DNAH5: variants seen among roughly 807,000 people sequenced by gnomAD.
DNAH5 encodes dynein axonemal heavy chain 5.
DNAH5 carries 372 observed loss-of-function variants against 518.2 expected under a neutral mutation model. That is an observed-to-expected ratio of 0.72 (90% CI 0.66 to 0.78). DNAH5 has a LOEUF of 0.78. Ranked by LOEUF, DNAH5 falls within the 30% of genes least tolerant of loss-of-function variation. The probability of loss-of-function intolerance (pLI) is 0.00; values close to 1 mark genes in which losing one functional copy is unlikely to be tolerated. For synonymous variants in DNAH5, 2,039 were observed against 2,025.9 expected, an observed-to-expected ratio of 1.01 and a Z score of -0.17; for missense variants, 5,523 against 5,687.0, an observed-to-expected ratio of 0.97 and a Z score of 0.93.
chr5:13,755,906 G>T (rs1057416570), intron 61 of DNAH5, among the ~76,000 whole-genome samples: 1 of 152,206 alleles, frequency 6.6e-6, no homozygotes, highest in African/African-American at 2.4e-5. Context: ...GGAAGCCCAG[G>T]CTTCTTTGGG....
intron 53 of DNAH5, among the ~76,000 whole-genome samples, chr5:13,779,634 T>C (rs1502050): frequency 0.31 from 47,631 of 152,060 alleles, 8,004 homozygotes; most frequent in South Asian, 0.44. Context: ...CTCTGTTTAT[T>C]TCTTCATGTT....
chr5:13,871,019 G>A lies in DNAH5; in HGVS notation c.3599-17C>T. The A allele has an allele frequency of 6.3e-7, 1 of 1,593,644 alleles. No homozygotes were observed. The highest frequency in any genetic ancestry group is 8.6e-7 in the Non-Finnish European group (1 of 1,162,612). ...TCAAGTCAGCTGTAAAAACCCAAATGTCTACAGTTCAGTTTTAAAAACTCG... is the reference window on the plus strand; with the variant it reads ...TCAAGTCAGCTGTAAAAACCCAAATATCTACAGTTCAGTTTTAAAAACTCG... On this transcript the variant is annotated splice_polypyrimidine_tract_variant and intron_variant, in intron 23 of 78. Transcript: ENST00000265104.
chr5:13,861,967 A>G (rs1458444518), intron 29 of DNAH5, among the ~76,000 whole-genome samples: 6 of 151,076 alleles, frequency 4.0e-5, no homozygotes, highest in Admixed American at 3.3e-4. Flanking sequence ...AAAAAAAAAA[A>G]AAAAAAAAAC....
intron 76 of DNAH5, among the ~76,000 whole-genome samples, chr5:13,702,339 C>G (rs1579814061): frequency 6.6e-6 from 1 of 152,196 alleles, no homozygotes; most frequent in African/African-American, 2.4e-5. Context: ...TGATAATAAG[C>G]TGAGAAGAAT....
intron 46 of DNAH5, among the ~76,000 whole-genome samples, chr5:13,808,597 A>G (rs923025314): frequency 3.9e-5 from 6 of 152,232 alleles, no homozygotes; most frequent in African/African-American, 1.4e-4. Context: ...ATAATAAAGG[A>G]ATAGTAGGTT....
chr5:13,877,714 A>G (rs1440577898), intron 21 of DNAH5, among the ~76,000 whole-genome samples: 1 of 152,174 alleles, frequency 6.6e-6, no homozygotes, highest in Admixed American at 6.5e-5. Flanking sequence ...TCTGCAACAC[A>G]CAGTTTCTCT....
chr5:13,951,479 C>T (rs551053450), intron 1 of DNAH5, among the ~76,000 whole-genome samples: 6 of 152,200 alleles, frequency 3.9e-5, no homozygotes, highest in East Asian at 1.9e-4. Flanking sequence ...CTCAGCCTCC[C>T]GAGGTGCTGT....
intron 47 of DNAH5, among the ~76,000 whole-genome samples, chr5:13,794,291 TG>T (rs1211874600): frequency 7.2e-5 from 11 of 152,236 alleles, no homozygotes; most frequent in African/African-American, 2.4e-4. Context: ...CTAACCAATG[TG>T]AATTTGAATG....
At chr5:13,895,309 T>C (rs1773751481) in intron 15 of DNAH5, among the ~76,000 whole-genome samples, 1 of 152,116 alleles carries the variant, frequency 6.6e-6, no homozygotes, top group African/African-American at 2.4e-5. Flanking sequence ...TACAAATTCC[T>C]AATCCAAAAA....
chr5:13,975,079 T>A (rs1782146294), intron 1 of DNAH5, among the ~76,000 whole-genome samples: 1 of 152,146 alleles, frequency 6.6e-6, no homozygotes, highest in East Asian at 1.9e-4. Context: ...ACTGCATTAG[T>A]CTGTTTTCAT....
intron 1 of DNAH5, among the ~76,000 whole-genome samples, chr5:13,969,764 A>C (rs1252794175): frequency 6.6e-6 from 1 of 152,212 alleles, no homozygotes; most frequent in Non-Finnish European, 1.5e-5. Context: ...TGTGCTGATG[A>C]ATAGAATGTA....
At chr5:13,790,311 TGGCAG>T (rs1422467620) in intron 50 of DNAH5, among the ~76,000 whole-genome samples, 1 of 152,212 alleles carries the variant, frequency 6.6e-6, no homozygotes, top group African/African-American at 2.4e-5. Context: ...TGCTCATCAG[TGGCAG>T]ATTGGATAAA....
At chr5:13,935,403 G>C (rs1778831006) in intron 1 of DNAH5, among the ~76,000 whole-genome samples, 1 of 152,040 alleles carries the variant, frequency 6.6e-6, no homozygotes, top group Non-Finnish European at 1.5e-5. Context: ...AACTTCCAAA[G>C]CAGCTTTATT....
At position 13,718,707 on chromosome 5, in the gene DNAH5, T is replaced by G. The variant is rs569805382; in HGVS notation, c.12499+175A>C. 4.6e-5 allele frequency among the ~76,000 whole-genome samples: 7 copies of G among 152,360 alleles called. 1 individual carries two copies. Among genetic ancestry groups the G allele is most frequent in the African/African-American group, 1.7e-4 (7 of 41,582 alleles). Reference sequence around the variant, plus strand: ...ACTAGAAGGTGGGAATCATGAGCTCTGATTCTTTCACACTGCCGGGACATA... The same window carrying G: ...ACTAGAAGGTGGGAATCATGAGCTCGGATTCTTTCACACTGCCGGGACATA... On this transcript the variant is annotated intron_variant, in intron 72 of 78. Transcript: ENST00000265104.
intron 32 of DNAH5, among the ~76,000 whole-genome samples, chr5:13,844,032 CA>C (rs1221147277): frequency 8.0e-6 from 1 of 125,344 alleles, no homozygotes; most frequent in East Asian, 3.2e-4. Context: ...TTGACCTTAA[CA>C]AGTGGCTTTT....
chr5:13,815,969 C>G lies in DNAH5; in HGVS notation c.6989-1123G>C, dbSNP rs115490177. Among the ~76,000 whole-genome samples, 98 of 152,308 alleles carry G rather than the reference C, an allele frequency of 6.4e-4. 1 individual carries two copies. Among genetic ancestry groups the G allele is most frequent in the African/African-American group, 2.3e-3 (97 of 41,572 alleles). Reference sequence around the variant, plus strand: ...GTAACCCTTAGGCTTCTGGCATGGTCTCCTGTGTTTGCTCCCCTTTCTTCC... The same window carrying G: ...GTAACCCTTAGGCTTCTGGCATGGTGTCCTGTGTTTGCTCCCCTTTCTTCC... On this transcript the variant is annotated intron_variant, in intron 42 of 78. Coordinates refer to ENST00000265104, the MANE Select transcript of DNAH5 (RefSeq NM_001369.3).
intron 1 of DNAH5, among the ~76,000 whole-genome samples, chr5:13,990,869 A>C (rs778111669): frequency 6.6e-6 from 1 of 152,260 alleles, no homozygotes; most frequent in Non-Finnish European, 1.5e-5. Flanking sequence ...CTCCATCACA[A>C]AAAAAGAAGG....
intron 62 of DNAH5, among the ~76,000 whole-genome samples, chr5:13,753,892 C>A (rs1373014509): frequency 3.3e-5 from 5 of 152,136 alleles, no homozygotes; most frequent in Non-Finnish European, 7.4e-5. Flanking sequence ...CATGCACTCA[C>A]AGAATTCTAA....
In DNAH5 at chr5:13,982,701, T is replaced by C. The variant is rs541016967; in HGVS notation, c.12+28947A>G. On this transcript the variant is annotated intron_variant, in intron 1 of 78. Coordinates refer to the DNAH5 transcript ENST00000681290. The stretch of plus-strand genomic sequence containing the variant: ...ACATATGCACTATTGCATGAGTGAG[T>C]AGACATATGCACTATTGCATGAGTG... Among the ~76,000 whole-genome samples the C allele has an allele frequency of 1.5e-3, 232 of 151,876 alleles. 4 individuals carry two copies. Among genetic ancestry groups the C allele is most frequent in the African/African-American group, 5.4e-3 (223 of 41,190 alleles).
Sources: gnomAD v4.1 joint callset for allele counts (sites outside exome capture counted in the v4.1 genomes callset) on GRCh38, gnomAD v4.1.1 for gene constraint, MANE v1.5 for transcripts, NCBI Gene and HGNC (gene_info 2026-07-23, HGNC 2026-07-21) for gene names.